CSMD3: variants seen among roughly 807,000 people sequenced by gnomAD.
CSMD3 encodes CUB and Sushi multiple domains 3, also known as CUB and sushi domain-containing protein 3.
A neutral mutation model predicts 435.2 loss-of-function variants in CSMD3; 177 were observed. The ratio of observed to expected loss-of-function variants is 0.41; its 90% CI spans 0.36 to 0.46. The LOEUF (loss-of-function observed/expected upper bound fraction) is 0.46. Among genes scored for constraint, CSMD3 ranks in the 20% least tolerant of loss-of-function variants. The pLI is 0.34. For missense variants in CSMD3, 4,265 were observed against 4,504.6 expected, an observed-to-expected ratio of 0.95 and a Z score of 1.52; for synonymous variants, 1,656 against 1,520.5, an observed-to-expected ratio of 1.09 and a Z score of -2.07.
intron 32 of CSMD3, among the ~76,000 whole-genome samples, chr8:112,437,496 G>C (rs1814494216): frequency 6.6e-6 from 1 of 151,896 alleles, no homozygotes; most frequent in South Asian, 2.1e-4. Flanking sequence ...GGAATCTCTG[G>C]ATTCATAAAC....
chr8:112,344,017 C>T (rs996595011), intron 41 of CSMD3, among the ~76,000 whole-genome samples: 8 of 151,934 alleles, frequency 5.3e-5, no homozygotes, highest in East Asian at 3.9e-4. Flanking sequence ...AGAGTAGCTG[C>T]GACTACAGGT....
At chr8:112,893,542 C>T (rs1419524982) in intron 10 of CSMD3, among the ~76,000 whole-genome samples, 1 of 151,470 alleles carries the variant, frequency 6.6e-6, no homozygotes, top group Admixed American at 6.6e-5. Flanking sequence ...AACTAACTTC[C>T]TCCAGGTCAC....
At chr8:112,783,471 A>C in intron 13 of CSMD3, among the ~76,000 whole-genome samples, 1 of 104,118 alleles carries the variant, frequency 9.6e-6, no homozygotes, top group Non-Finnish European at 1.9e-5. Flanking sequence ...GGAAGGAAGG[A>C]AGGAAGGAAG....
intron 9 of CSMD3, among the ~76,000 whole-genome samples, chr8:112,922,127 A>G (rs1452539683): frequency 6.6e-6 from 1 of 152,068 alleles, no homozygotes; most frequent in Non-Finnish European, 1.5e-5. Flanking sequence ...ATGTGTATGC[A>G]TTTACACATG....
At chr8:112,476,103 T>C (rs1368196611) in intron 31 of CSMD3, among the ~76,000 whole-genome samples, 1 of 152,160 alleles carries the variant, frequency 6.6e-6, no homozygotes, top group Non-Finnish European at 1.5e-5. Flanking sequence ...TGGAGTGCAA[T>C]GATATCATCT....
At chr8:112,793,833 AT>A (rs2078755076) in intron 13 of CSMD3, among the ~76,000 whole-genome samples, 1 of 152,216 alleles carries the variant, frequency 6.6e-6, no homozygotes, top group Non-Finnish European at 1.5e-5. Context: ...CAGGTAAGTT[AT>A]GGTTCACTGT....
intron 32 of CSMD3, among the ~76,000 whole-genome samples, chr8:112,444,752 T>C (rs10755908): frequency 0.44 from 67,549 of 152,008 alleles, 15,613 homozygotes; most frequent in Middle Eastern, 0.6. Context: ...AGGAAACTTT[T>C]GGAAATAACA....
chr8:112,737,905 T>C lies in CSMD3; in HGVS notation c.1973-47855A>G, dbSNP rs16884016. Among the ~76,000 whole-genome samples, 615 of 151,988 alleles carry C rather than the reference T, an allele frequency of 4.0e-3. 3 individuals are homozygous for C. The highest frequency in any genetic ancestry group is 0.014 in the African/African-American group (583 of 41,528). ...ATTACTCCAGCTTACATTTCTACGA[T>C]TGCAAATGAAAACACTTAGTGTCCC... On this transcript the variant is annotated intron_variant, in intron 13 of 70. Coordinates refer to ENST00000297405, the MANE Select transcript of CSMD3 (RefSeq NM_198123.2).
At chr8:113,133,902 G>A (rs527762614) in intron 4 of CSMD3, among the ~76,000 whole-genome samples, 1 of 152,062 alleles carries the variant, frequency 6.6e-6, no homozygotes, top group South Asian at 2.1e-4. Flanking sequence ...ATGCAGAGGG[G>A]GTAAAGAGGA....
At position 112,656,471 on chromosome 8, in the gene CSMD3, C is replaced by G. The variant is rs1021925145; in HGVS notation, c.2817-130G>C. On this transcript the variant is annotated intron_variant, in intron 17 of 70. Coordinates refer to ENST00000297405, the MANE Select transcript of CSMD3 (RefSeq NM_198123.2). ...TATATTATAATTTTCTTTAGCTTAT[C>G]TAATATCTAAGATATCATTTAAGAC... The G allele has an allele frequency of 4.9e-6, 3 of 609,134 alleles. No homozygotes were observed. In the African/African-American group the frequency reaches 5.7e-5, roughly 11 times the overall value. 37.7% of individuals were successfully genotyped at this position (609,134 alleles called of 1,614,324 possible).
chr8:112,399,957 T>G (rs908639070), intron 35 of CSMD3, among the ~76,000 whole-genome samples: 5 of 152,270 alleles, frequency 3.3e-5, no homozygotes, highest in Non-Finnish European at 5.9e-5. Flanking sequence ...CCCGTTACAG[T>G]TCTTTCACAA....
At chr8:113,285,718 T>C (rs1319705396) in intron 2 of CSMD3, among the ~76,000 whole-genome samples, 4 of 152,176 alleles carry the variant, frequency 2.6e-5, no homozygotes, top group African/African-American at 9.7e-5. Context: ...TGTCAAAAAT[T>C]AAGGCTGACC....
chr8:112,351,188 G>T lies in CSMD3; in HGVS notation c.6312C>A (p.Ile2104=). 3 of 1,600,244 alleles carry T rather than the reference G, an allele frequency of 1.9e-6. No individual in the cohort carries two copies. Among genetic ancestry groups the T allele is most frequent in the South Asian group, 1.1e-5 (1 of 90,756 alleles). Residue 2104 remains isoleucine (I), a synonymous_variant, in exon 40 of 71, where the codon ATC becomes ATA. Coordinates refer to ENST00000297405, the MANE Select transcript of CSMD3 (RefSeq NM_198123.2). ...PGPVRRWNYP[I]PICLAQCGGA... ...CTTTTAACTTACCTAAACAAATTGG[G>T]ATTGGATAATTCCATCTTCTTACAG...
At chr8:113,108,036 G>A (rs28470386) in intron 4 of CSMD3, among the ~76,000 whole-genome samples, 21,500 of 152,090 alleles carry the variant, frequency 0.14, 2,820 homozygotes, top group African/African-American at 0.34. Context: ...GAATTTCAAA[G>A]AATACATCAC....
At chr8:112,476,783 A>G (rs936890159) in intron 31 of CSMD3, among the ~76,000 whole-genome samples, 3 of 152,160 alleles carry the variant, frequency 2.0e-5, no homozygotes, top group African/African-American at 4.8e-5. Context: ...CGTCCAACAA[A>G]GAATCAATTT....
intron 25 of CSMD3, among the ~76,000 whole-genome samples, chr8:112,554,663 A>G (rs1827966208): frequency 6.6e-6 from 1 of 151,934 alleles, no homozygotes; most frequent in African/African-American, 2.4e-5. Context: ...TTTGACCTCA[A>G]ATGAGCCAGT....
chr8:112,349,801 C>T (rs1020046010), intron 40 of CSMD3, among the ~76,000 whole-genome samples: 1 of 152,102 alleles, frequency 6.6e-6, no homozygotes, highest in Admixed American at 6.6e-5. Flanking sequence ...AACACATCAT[C>T]ACTCTTAAAC....
chr8:112,479,993 A>G (rs561341462), intron 31 of CSMD3, among the ~76,000 whole-genome samples: 1 of 152,188 alleles, frequency 6.6e-6, no homozygotes, highest in Non-Finnish European at 1.5e-5. Flanking sequence ...AGCTGCAAGC[A>G]CTCAACTCAA....
intron 1 of CSMD3, among the ~76,000 whole-genome samples, chr8:113,334,906 A>T (rs66924576): frequency 0.1 from 15,846 of 152,058 alleles, 968 homozygotes; most frequent in Middle Eastern, 0.17. Flanking sequence ...AACTGTAGTG[A>T]TATCTCTCCT....
Sources: allele counts gnomAD v4.1 joint callset (sites outside exome capture counted in the v4.1 genomes callset), GRCh38; gene constraint gnomAD v4.1.1; transcripts MANE v1.5; gene names NCBI Gene and HGNC (gene_info 2026-07-23, HGNC 2026-07-21).